ADAMTSL1: variants seen among roughly 807,000 people sequenced by gnomAD.
ADAMTSL1 encodes the protein ADAMTS-like protein 1.
ADAMTSL1 carries 126 observed loss-of-function variants against 201.8 expected under a neutral mutation model. The ratio of observed to expected loss-of-function variants is 0.62; its 90% CI spans 0.54 to 0.72. ADAMTSL1 has a LOEUF of 0.72. Among genes scored for constraint, ADAMTSL1 ranks in the 30% least tolerant of loss-of-function variants. ADAMTSL1 has a pLI of 0.00. For missense variants in ADAMTSL1, 2,679 were observed against 2,277.8 expected (o/e 1.18, Z -3.59); for synonymous variants, 1,121 against 903.4 (o/e 1.24, Z -4.32).
intron 7 of ADAMTSL1, among the ~76,000 whole-genome samples, chr9:18,645,049 G>C (rs954138710): frequency 6.6e-6 from 1 of 152,104 alleles, no homozygotes; most frequent in African/African-American, 2.4e-5. Context: ...TCCAGCACCT[G>C]TTGTTTCCTG....
chr9:18,801,709 T>C (rs1426416159), intron 20 of ADAMTSL1, among the ~76,000 whole-genome samples: 1 of 152,200 alleles, frequency 6.6e-6, no homozygotes, highest in Non-Finnish European at 1.5e-5. Flanking sequence ...TGTTCCTTTT[T>C]ATGGCTGCAT....
chr9:18,861,338 T>C (rs944860228), intron 23 of ADAMTSL1, among the ~76,000 whole-genome samples: 6 of 152,358 alleles, frequency 3.9e-5, no homozygotes, highest in Middle Eastern at 6.8e-3. Flanking sequence ...CAGGTCTAAA[T>C]TGGCCTGAAT....
At chr9:18,357,609 C>G (rs923458382) in intron 2 of ADAMTSL1, among the ~76,000 whole-genome samples, 26 of 152,124 alleles carry the variant, frequency 1.7e-4, no homozygotes, top group African/African-American at 6.0e-4. Flanking sequence ...ATTTCAGAAT[C>G]TGAATCTAGT....
At chr9:18,625,658 A>G (rs977174068) in intron 5 of ADAMTSL1, among the ~76,000 whole-genome samples, 1 of 152,176 alleles carries the variant, frequency 6.6e-6, no homozygotes, top group South Asian at 2.1e-4. Flanking sequence ...TTCATTTCTC[A>G]CAAGATTTAT....
At chr9:18,692,385 A>C (rs1831283977) in intron 13 of ADAMTSL1, among the ~76,000 whole-genome samples, 2 of 152,140 alleles carry the variant, frequency 1.3e-5, no homozygotes, top group African/African-American at 4.8e-5. Context: ...CTTGATTGCA[A>C]ACCAAGAAGT....
chr9:18,490,140 C>A (rs1347148644), intron 1 of ADAMTSL1, among the ~76,000 whole-genome samples: 1 of 152,174 alleles, frequency 6.6e-6, no homozygotes, highest in Non-Finnish European at 1.5e-5. Context: ...CTGCATGTGT[C>A]CTGGCACACT....
chr9:18,309,822 A>T (rs1280071634), intron 2 of ADAMTSL1, among the ~76,000 whole-genome samples: 5 of 138,624 alleles, frequency 3.6e-5, no homozygotes, highest in Non-Finnish European at 6.0e-5. Flanking sequence ...TCACAGAATT[A>T]AAAAAAAAAC....
At chr9:18,542,625 C>T (rs1820217351) in intron 3 of ADAMTSL1, among the ~76,000 whole-genome samples, 1 of 152,040 alleles carries the variant, frequency 6.6e-6, no homozygotes, top group African/African-American at 2.4e-5. Context: ...GGAGAGAGCC[C>T]TCAGTAGAAA....
At chr9:18,707,488 T>C (rs1355110683) in intron 14 of ADAMTSL1, among the ~76,000 whole-genome samples, 2 of 152,194 alleles carry the variant, frequency 1.3e-5, no homozygotes, top group African/African-American at 2.4e-5. Flanking sequence ...TCTGTTTACA[T>C]CTCGAGGAAG....
At chr9:18,525,560 G>C (rs1313979177) in intron 2 of ADAMTSL1, among the ~76,000 whole-genome samples, 1 of 152,118 alleles carries the variant, frequency 6.6e-6, no homozygotes, top group Non-Finnish European at 1.5e-5. Flanking sequence ...GATCTTTCTT[G>C]CTTTCTCTTG....
In ADAMTSL1 at chr9:18,424,341, T is replaced by A. The variant is rs554829479; in HGVS notation, c.208-80488T>A. On this transcript the variant is annotated intron_variant, in intron 2 of 29. Transcript: ENST00000680146. Reference sequence around the variant, plus strand: ...CCGGGGACACATTCAGTGAATACTTTAGACCAAATACTGTGCTAAGCAGAG... The same window carrying A: ...CCGGGGACACATTCAGTGAATACTTAAGACCAAATACTGTGCTAAGCAGAG... Among the ~76,000 whole-genome samples, 6 of 152,330 alleles carry A rather than the reference T, an allele frequency of 3.9e-5. No homozygotes were observed. The East Asian group carries it at 1.2e-3, about 29-fold the overall frequency.
intron 23 of ADAMTSL1, among the ~76,000 whole-genome samples, chr9:18,868,340 T>C (rs1054257552): frequency 1.3e-5 from 2 of 152,244 alleles, no homozygotes; most frequent in African/African-American, 4.8e-5. Flanking sequence ...TATTACATTT[T>C]CCTCCTTGAC....
intron 1 of ADAMTSL1, among the ~76,000 whole-genome samples, chr9:17,918,700 A>G (rs1277967460): frequency 2.0e-5 from 3 of 151,830 alleles, no homozygotes; most frequent in Non-Finnish European, 4.4e-5. Context: ...ATTGGTTGAT[A>G]CCATTGTTCA....
chr9:18,586,238 A>C (rs761930026), intron 4 of ADAMTSL1, among the ~76,000 whole-genome samples: 1 of 152,200 alleles, frequency 6.6e-6, no homozygotes. Context: ...AACTTCAGCA[A>C]AGTCTCAGGA....
chr9:18,151,752 CA>C (rs1563770228), intron 1 of ADAMTSL1, among the ~76,000 whole-genome samples: 1 of 151,744 alleles, frequency 6.6e-6, no homozygotes, highest in Non-Finnish European at 1.5e-5. Flanking sequence ...ACATGTGGCC[CA>C]AAACACAAAA....
At chr9:18,461,678 C>T (rs754387302) in intron 2 of ADAMTSL1, among the ~76,000 whole-genome samples, 2 of 152,024 alleles carry the variant, frequency 1.3e-5, no homozygotes, top group African/African-American at 2.4e-5. Flanking sequence ...ACCTGTCCAG[C>T]GCAGACCTCA....
chr9:18,361,050 C>T (rs888624402), intron 2 of ADAMTSL1, among the ~76,000 whole-genome samples: 2 of 151,862 alleles, frequency 1.3e-5, no homozygotes, highest in East Asian at 1.9e-4. Flanking sequence ...GTTTTGAGCC[C>T]GTTGGAATGC....
At chr9:18,137,209 A>C (rs189640903) in intron 1 of ADAMTSL1, among the ~76,000 whole-genome samples, 1 of 152,204 alleles carries the variant, frequency 6.6e-6, no homozygotes, top group East Asian at 1.9e-4. Context: ...GTCTAGTCTT[A>C]GATTTTCTTT....
At chr9:18,908,101 A>G in intron 28 of ADAMTSL1, 1 of 317,226 alleles carries the variant, frequency 3.2e-6, no homozygotes, top group Non-Finnish European at 6.0e-6. Flanking sequence ...GCCTAGGGGG[A>G]GAGGTGATCA....
Sources: gnomAD v4.1 joint callset for allele counts (sites outside exome capture counted in the v4.1 genomes callset) on GRCh38, gnomAD v4.1.1 for gene constraint, MANE v1.5 for transcripts, NCBI Gene and HGNC (gene_info 2026-07-23, HGNC 2026-07-21) for gene names.